Variants in EYS observed in about 807,000 individuals in gnomAD.
EYS encodes EGF-like photoreceptor maintenance factor.
In EYS, 250 loss-of-function variants were observed where a neutral mutation model predicts 282.1. The ratio of observed to expected loss-of-function variants is 0.89; its 90% CI spans 0.80 to 0.98. EYS has a LOEUF of 0.98. Ranked by LOEUF, EYS falls within the 50% of genes least tolerant of loss-of-function variation. The probability of loss-of-function intolerance (pLI) is 0.00; values close to 1 mark genes in which losing one functional copy is unlikely to be tolerated. For missense variants in EYS, 4,016 were observed against 3,709.0 expected (o/e 1.08, Z -2.15); for synonymous variants, 1,355 against 1,282.9 (o/e 1.06, Z -1.20).
At chr6:65,205,500 G>A (rs1011662645) in intron 12 of EYS, among the ~76,000 whole-genome samples, 2 of 151,692 alleles carry the variant, frequency 1.3e-5, no homozygotes, top group African/African-American at 2.4e-5. Context: ...ACAGCTAATC[G>A]AAGTACAAAG....
At chr6:64,831,119 G>C (rs1248931441) in intron 19 of EYS, among the ~76,000 whole-genome samples, 2 of 151,934 alleles carry the variant, frequency 1.3e-5, no homozygotes, top group Non-Finnish European at 2.9e-5. Context: ...CATTGCTGTT[G>C]AAAGTAGTCA....
chr6:64,078,253 TAAAATC>T (rs1208821507), intron 32 of EYS, among the ~76,000 whole-genome samples: 2 of 152,074 alleles, frequency 1.3e-5, no homozygotes, highest in East Asian at 3.8e-4. Flanking sequence ...ATGGCAAAAT[TAAAATC>T]AAAGCAACTC....
intron 5 of EYS, among the ~76,000 whole-genome samples, chr6:65,448,640 C>T (rs1455275017): frequency 6.6e-6 from 1 of 151,978 alleles, no homozygotes; most frequent in Non-Finnish European, 1.5e-5. Flanking sequence ...TACACAGTCA[C>T]ATAGACTTGT....
At chr6:64,154,862 T>G (rs1306199725) in intron 31 of EYS, among the ~76,000 whole-genome samples, 2 of 152,302 alleles carry the variant, frequency 1.3e-5, no homozygotes, top group East Asian at 3.9e-4. Context: ...AAAATAATAC[T>G]CTACCCATGA....
At chr6:64,314,474 G>A (rs60391003) in intron 29 of EYS, among the ~76,000 whole-genome samples, 1 of 151,428 alleles carries the variant, frequency 6.6e-6, no homozygotes, top group African/African-American at 2.4e-5. Flanking sequence ...AGATGAATGA[G>A]ACAGAAAATT....
At chr6:64,738,523 A>G (rs1772261793) in intron 22 of EYS, among the ~76,000 whole-genome samples, 1 of 152,150 alleles carries the variant, frequency 6.6e-6, no homozygotes. Context: ...GCAGTGAAAA[A>G]CAGACTAATG....
intron 26 of EYS, among the ~76,000 whole-genome samples, chr6:64,489,236 T>C (rs1325747765): frequency 6.6e-6 from 1 of 150,844 alleles, no homozygotes; most frequent in Non-Finnish European, 1.5e-5. Flanking sequence ...TCATTGTACA[T>C]AGACCATAGA....
chr6:64,662,541 A>C (rs1472687463), intron 22 of EYS, among the ~76,000 whole-genome samples: 2 of 152,118 alleles, frequency 1.3e-5, no homozygotes, highest in South Asian at 2.1e-4. Context: ...TCATCCAGCA[A>C]ATATTATTCT....
At chr6:64,449,198 A>G (rs547076852) in intron 26 of EYS, among the ~76,000 whole-genome samples, 1 of 152,316 alleles carries the variant, frequency 6.6e-6, no homozygotes, top group Non-Finnish European at 1.5e-5. Flanking sequence ...CACGAGAACT[A>G]CGTGATGAAT....
intron 33 of EYS, among the ~76,000 whole-genome samples, chr6:64,035,057 A>T (rs1003718758): frequency 6.6e-6 from 1 of 152,208 alleles, no homozygotes; most frequent in Non-Finnish European, 1.5e-5. Flanking sequence ...GGCTACTGAC[A>T]TGTAGCATAG....
chr6:64,885,039 C>T (rs565398617), intron 19 of EYS, among the ~76,000 whole-genome samples: 2 of 151,606 alleles, frequency 1.3e-5, no homozygotes, highest in African/African-American at 2.4e-5. Context: ...ATTCTGAATG[C>T]ATGAACCTAT....
At position 64,669,233 on chromosome 6, in the gene EYS, C is replaced by T. The variant is rs11751070; in HGVS notation, c.3444-42988G>A. ...ATTTTGATATTGACCACATAACAAT[C>T]TTATCTTACTTTACAGATTAGTCTA... On this transcript the variant is annotated intron_variant, in intron 22 of 42. Transcript: ENST00000503581. Among the ~76,000 whole-genome samples, 1,485 of 152,272 alleles carry T rather than the reference C, an allele frequency of 9.8e-3. 13 individuals are homozygous for T. Among genetic ancestry groups the T allele is most frequent in the Non-Finnish European group, 0.016 (1,082 of 68,012 alleles).
At chr6:64,577,269 TC>T (rs1765913251) in intron 26 of EYS, among the ~76,000 whole-genome samples, 1 of 152,086 alleles carries the variant, frequency 6.6e-6, no homozygotes, top group Non-Finnish European at 1.5e-5. Context: ...GTTACATTGT[TC>T]ATCAAAATAT....
At chr6:64,299,512 A>T (rs544139414) in intron 30 of EYS, among the ~76,000 whole-genome samples, 1 of 152,306 alleles carries the variant, frequency 6.6e-6, no homozygotes, top group African/African-American at 2.4e-5. Flanking sequence ...GGTGATTGTG[A>T]CGGAACCCTT....
At chr6:64,837,684 G>GATATAT (rs35119556) in intron 19 of EYS, among the ~76,000 whole-genome samples, 20 of 141,120 alleles carry the variant, frequency 1.4e-4, no homozygotes, top group South Asian at 4.4e-4. Context: ...ATATATATAG[G>GATATAT]ATATATATAT....
chr6:64,095,225 A>G (rs1221191859), intron 31 of EYS, among the ~76,000 whole-genome samples: 2 of 152,156 alleles, frequency 1.3e-5, no homozygotes, highest in East Asian at 3.9e-4. Flanking sequence ...AAGAATGTAT[A>G]TTCTGTTGAT....
chr6:64,513,414 A>T (rs1466181568), intron 26 of EYS, among the ~76,000 whole-genome samples: 1 of 151,980 alleles, frequency 6.6e-6, no homozygotes, highest in Non-Finnish European at 1.5e-5. Context: ...ATGATAAACT[A>T]GTATGTTAAG....
chr6:65,699,487 G>A (rs893154241), intron 1 of EYS, among the ~76,000 whole-genome samples: 4 of 152,068 alleles, frequency 2.6e-5, no homozygotes, highest in African/African-American at 9.7e-5. Context: ...ATGTGGTAGG[G>A]AAACCAATAA....
chr6:64,275,517 C>T (rs758273654), intron 30 of EYS, among the ~76,000 whole-genome samples: 2 of 148,188 alleles, frequency 1.3e-5, no homozygotes, highest in Non-Finnish European at 3.0e-5. Context: ...TCCGGGTTCA[C>T]GCCATTCTCC....
Sources: gnomAD v4.1 joint callset for allele counts (sites outside exome capture counted in the v4.1 genomes callset) on GRCh38, gnomAD v4.1.1 for gene constraint, MANE v1.5 for transcripts, NCBI Gene and HGNC (gene_info 2026-07-23, HGNC 2026-07-21) for gene names.